Variants in PPP6R2 observed in about 807,000 individuals in gnomAD.
The protein encoded by PPP6R2 is serine/threonine-protein phosphatase 6 regulatory subunit 2.
PPP6R2 carries 62 observed loss-of-function variants against 100.2 expected under a neutral mutation model. The ratio of observed to expected loss-of-function variants is 0.62; its 90% confidence interval spans 0.50 to 0.76. The LOEUF is 0.76. Ranked by LOEUF, PPP6R2 falls within the 30% of genes least tolerant of loss-of-function variation. The pLI, the probability that PPP6R2 is intolerant of heterozygous loss-of-function variation, is 0.00. For missense variants in PPP6R2, 1,142 were observed against 1,276.3 expected, an observed-to-expected ratio of 0.89 and a Z score of 1.60; for synonymous variants, 525 against 514.7, an observed-to-expected ratio of 1.02 and a Z score of -0.27.
chr22:50,439,069 GA>G, intron 19 of PPP6R2, among the ~76,000 whole-genome samples: 1 of 152,286 alleles, frequency 6.6e-6, no homozygotes, highest in East Asian at 1.9e-4. Context: ...GCACAGGCCT[GA>G]CGCCCTCCCC....
At chr22:50,355,246 T>TC (rs2046236065) in intron 1 of PPP6R2, among the ~76,000 whole-genome samples, 3 of 151,106 alleles carry the variant, frequency 2.0e-5, no homozygotes, top group Non-Finnish European at 4.4e-5. Flanking sequence ...TTTTTTTTTT[T>TC]TTCTTTTTTG....
intron 22 of PPP6R2, among the ~76,000 whole-genome samples, chr22:50,442,271 C>T (rs114787465): frequency 0.01 from 1,548 of 152,310 alleles, 30 homozygotes; most frequent in African/African-American, 0.033. Flanking sequence ...ACTGGGGCTC[C>T]GGGCATCTCC....
At chr22:50,441,066 A>G in intron 22 of PPP6R2, 40 bp downstream of exon 22, 6 of 1,460,946 alleles carry the variant, frequency 4.1e-6, no homozygotes, top group Non-Finnish European at 3.7e-6. Flanking sequence ...CCGGGTGCAT[A>G]GGGCGTGGCT....
chr22:50,335,452 C>T, the PPP6R2 span, among the ~76,000 whole-genome samples: 3 of 151,950 alleles, frequency 2.0e-5, no homozygotes, highest in South Asian at 6.2e-4. Context: ...GCCTCGGCCT[C>T]CCAAAGTGCT....
chr22:50,434,956 T>G lies in PPP6R2; in HGVS notation c.1401-10T>G. On this transcript the variant is annotated splice_polypyrimidine_tract_variant and intron_variant, in intron 12 of 23. Coordinates refer to ENST00000612753, the MANE Select transcript of PPP6R2 (RefSeq NM_001242898.2). ...CAGGAGGCCGCCCCGATGGTGCCTG[T>G]TGCTTTCAGGGCAGCGGGTGGCATG... 1 of 1,599,614 alleles carries G rather than the reference T, an allele frequency of 6.3e-7. No individual in the cohort carries two copies. The highest frequency in any genetic ancestry group is 8.5e-7 in the Non-Finnish European group (1 of 1,175,564).
chr22:50,390,378 G>C (rs2055219625), intron 2 of PPP6R2, among the ~76,000 whole-genome samples: 1 of 152,194 alleles, frequency 6.6e-6, no homozygotes, highest in African/African-American at 2.4e-5. Flanking sequence ...TACCAAACAT[G>C]AATCACAAGA....
chr22:50,334,653 A>G, the PPP6R2 span, among the ~76,000 whole-genome samples: 1 of 152,072 alleles, frequency 6.6e-6, no homozygotes, highest in Non-Finnish European at 1.5e-5. Context: ...TTAGCTTGTC[A>G]ATTTCCACCA....
intron 3 of PPP6R2, among the ~76,000 whole-genome samples, chr22:50,398,052 G>A (rs1308864067): frequency 6.6e-6 from 1 of 152,156 alleles, no homozygotes. Flanking sequence ...AAACATGAAA[G>A]TCAGGTGTGG....
At chr22:50,371,354 C>T (rs1188838444) in intron 1 of PPP6R2, among the ~76,000 whole-genome samples, 1 of 152,038 alleles carries the variant, frequency 6.6e-6, no homozygotes, top group Non-Finnish European at 1.5e-5. Context: ...AAAAGGAAGA[C>T]TGCCAGGTTG....
intron 2 of PPP6R2, among the ~76,000 whole-genome samples, chr22:50,377,652 A>G (rs1356557987): frequency 1.3e-5 from 2 of 152,134 alleles, no homozygotes; most frequent in African/African-American, 2.4e-5. Flanking sequence ...GAAAAGAGAG[A>G]ATGAGGCAGA....
intron 2 of PPP6R2, among the ~76,000 whole-genome samples, chr22:50,376,180 T>C (rs2051507978): frequency 6.6e-6 from 1 of 151,622 alleles, no homozygotes. Flanking sequence ...ACAGTTCAGG[T>C]GTGGTGGCTC....
intron 8 of PPP6R2, among the ~76,000 whole-genome samples, chr22:50,420,965 A>G (rs879349214): frequency 6.6e-6 from 1 of 152,216 alleles, no homozygotes; most frequent in Non-Finnish European, 1.5e-5. Flanking sequence ...CGTTCTGGGG[A>G]GAACATAATT....
chr22:50,424,211 G>A (rs754111966), intron 10 of PPP6R2, among the ~76,000 whole-genome samples: 2 of 152,186 alleles, frequency 1.3e-5, no homozygotes, highest in African/African-American at 4.8e-5. Context: ...GCCCTAGTGG[G>A]TCCTGTTGGC....
intron 3 of PPP6R2, among the ~76,000 whole-genome samples, chr22:50,402,456 G>C (rs2058213089): frequency 6.6e-6 from 1 of 151,596 alleles, no homozygotes; most frequent in East Asian, 2.0e-4. Context: ...TGGCCTGTAA[G>C]TTCTCAGCCC....
chr22:50,428,144 C>CACGCCCAGCCAATTTTTATATTTTTA (rs2062532403), intron 10 of PPP6R2, among the ~76,000 whole-genome samples: 5 of 152,134 alleles, frequency 3.3e-5, no homozygotes, highest in Non-Finnish European at 7.4e-5. Context: ...CATGAGCCAC[C>CACGCCCAGCCAATTTTTATATTTTTA]GTGCCTGGCC....
rs184606518 is a variant in PPP6R2 at position 50,361,158 on chromosome 22, T to G, written c.-147-10862T>G. Among the ~76,000 whole-genome samples, 411 of 152,302 alleles carry G rather than the reference T, an allele frequency of 2.7e-3. 2 individuals carry two copies. Among genetic ancestry groups the G allele is most frequent in the Non-Finnish European group, 3.8e-3 (259 of 68,016 alleles). On this transcript the variant is annotated intron_variant, in intron 1 of 23. Transcript: ENST00000612753. ...CTTCCTGGACTAGTTCGGTCCTGGG[T>G]AGTGCCTTCCTGTCATCACCCTCAA... is the stretch of plus-strand genomic sequence containing the variant.
intron 18 of PPP6R2, 115 bp downstream of exon 18, chr22:50,438,413 G>T: frequency 6.6e-7 from 1 of 1,507,200 alleles, no homozygotes; most frequent in South Asian, 1.3e-5. Flanking sequence ...CACCTGTCCT[G>T]CCAGCTCTGG....
chr22:50,408,672 T>C (rs1400806755), intron 4 of PPP6R2, among the ~76,000 whole-genome samples: 1 of 152,296 alleles, frequency 6.6e-6, no homozygotes, highest in Non-Finnish European at 1.5e-5. Flanking sequence ...ACTAGATGCA[T>C]GTATCTCATA....
At chr22:50,372,476 G>A (rs2050431040) in intron 2 of PPP6R2, among the ~76,000 whole-genome samples, 1 of 151,962 alleles carries the variant, frequency 6.6e-6, no homozygotes, top group Non-Finnish European at 1.5e-5. Flanking sequence ...TTGAATCCAG[G>A]AGATGGAGGT....
Sources: allele counts gnomAD v4.1 joint callset (sites outside exome capture counted in the v4.1 genomes callset), GRCh38; gene constraint gnomAD v4.1.1; transcripts MANE v1.5; gene names NCBI Gene and HGNC (gene_info 2026-07-23, HGNC 2026-07-21).